RAB37: variants seen among roughly 807,000 people sequenced by gnomAD.
RAB37 encodes RAB37, member RAS oncogene family.
Under a neutral mutation model 33.1 loss-of-function variants are expected in RAB37, and 29 were observed. The observed-to-expected ratio is 0.88, with a 90% CI of 0.65 to 1.20. The LOEUF is 1.20. RAB37 is among the 50% of genes most tolerant of loss of function. The probability of loss-of-function intolerance (pLI) is 0.00; values close to 1 mark genes in which losing one functional copy is unlikely to be tolerated. For synonymous variants in RAB37, 128 were observed against 119.5 expected (o/e 1.07, Z -0.47); for missense variants, 299 against 301.1 (o/e 0.99, Z 0.05).
chr17:74,693,559 T>C (rs113816437), intron 1 of RAB37, among the ~76,000 whole-genome samples: 38 of 152,210 alleles, frequency 2.5e-4, no homozygotes, highest in African/African-American at 7.9e-4. Context: ...GTGGGCTTGG[T>C]AACCACAGAG....
chr17:74,742,180 C>A lies in RAB37; in HGVS notation c.205-74C>A. 1 of 1,573,436 alleles carries A rather than the reference C, an allele frequency of 6.4e-7. No individual in the cohort carries two copies. Among genetic ancestry groups the A allele is most frequent in the Non-Finnish European group, 8.6e-7 (1 of 1,157,516 alleles). On this transcript the variant is annotated intron_variant, in intron 2 of 8. Coordinates refer to ENST00000392613, the MANE Select transcript of RAB37 (RefSeq NM_001006638.3). The surrounding 1 kb of genome is among the most constrained non-coding windows in gnomAD (Gnocchi z 4.0). Reference sequence around the variant, plus strand: ...ACCCACTCTAGGCCTGGAGAGGGAACAAGACAGGACGTCTGCAGAGCTGAG... The same window carrying A: ...ACCCACTCTAGGCCTGGAGAGGGAAAAAGACAGGACGTCTGCAGAGCTGAG...
At chr17:74,711,729 A>T (rs114944981) in intron 1 of RAB37, among the ~76,000 whole-genome samples, 1 of 152,202 alleles carries the variant, frequency 6.6e-6, no homozygotes, top group African/African-American at 2.4e-5. Flanking sequence ...CGGCTCGGAC[A>T]GGCATCTGGG....
At chr17:74,702,379 GTTTCTTCTTCT>G (rs2033131547) in intron 1 of RAB37, among the ~76,000 whole-genome samples, 2 of 152,272 alleles carry the variant, frequency 1.3e-5, no homozygotes, top group South Asian at 4.1e-4. Context: ...CTGAGGCTCA[GTTTCTTCTTCT>G]GTAAAATGGG....
At chr17:74,706,279 A>AT (rs1320595606) in intron 1 of RAB37, among the ~76,000 whole-genome samples, 78 of 149,356 alleles carry the variant, frequency 5.2e-4, no homozygotes, top group African/African-American at 1.5e-3. Flanking sequence ...AAAGGAAAAA[A>AT]AAAATATATA....
At chr17:74,715,979 G>T (rs1286801773) in intron 1 of RAB37, among the ~76,000 whole-genome samples, 1 of 152,150 alleles carries the variant, frequency 6.6e-6, no homozygotes, top group Non-Finnish European at 1.5e-5. Context: ...GCAGTAAGCC[G>T]AGGTCACAAC....
intron 1 of RAB37, among the ~76,000 whole-genome samples, chr17:74,678,789 TC>T (rs1028122491): frequency 2.0e-5 from 3 of 152,082 alleles, no homozygotes; most frequent in Non-Finnish European, 2.9e-5. Flanking sequence ...GTTCTCTGTC[TC>T]CCCTTAGCTT....
At chr17:74,707,630 G>A (rs1044265818) in intron 1 of RAB37, among the ~76,000 whole-genome samples, 2 of 151,870 alleles carry the variant, frequency 1.3e-5, no homozygotes, top group African/African-American at 4.8e-5. Context: ...TGGGAGAATC[G>A]TCTGAACCTG....
Position 74,737,353 on chromosome 17 carries a change from C to T in RAB37, c.81C>T (p.Asp27=). The change falls in exon 1 of 9, where the codon GAC becomes GAT. Residue 27 remains aspartate (D), a synonymous_variant. Transcript: ENST00000392613. ...ERSPPCSPSY[D]LTGKVMLLGD... ...CCCCGCCCTGCAGTCCGAGCTACGA[C>T]CTCACGGGCAAGGTGGGTGGGCCTC... 1 of 1,574,290 alleles carries T rather than the reference C, an allele frequency of 6.4e-7. No homozygotes were observed. Among genetic ancestry groups the T allele is most frequent in the South Asian group, 1.1e-5 (1 of 87,032 alleles).
At chr17:74,743,077 A>C in intron 3 of RAB37, 52 bp from the exon 4 acceptor site, 1 of 1,549,860 alleles carries the variant, frequency 6.5e-7, no homozygotes, top group Non-Finnish European at 8.9e-7. Context: ...CACCCAGCAC[A>C]TTCCTTGCAC....
chr17:74,717,113 C>T (rs2034175016), intron 1 of RAB37, among the ~76,000 whole-genome samples: 1 of 152,128 alleles, frequency 6.6e-6, no homozygotes, highest in African/African-American at 2.4e-5. Context: ...CCAGCCTGGG[C>T]AACGAGAGCG....
At chr17:74,715,925 G>A (rs138869141) in intron 1 of RAB37, among the ~76,000 whole-genome samples, 1 of 152,286 alleles carries the variant, frequency 6.6e-6, no homozygotes, top group African/African-American at 2.4e-5. Context: ...AGCTACTAAG[G>A]AGGCTGAGGC....
chr17:74,680,641 C>T (rs1259030127), intron 1 of RAB37, among the ~76,000 whole-genome samples: 1 of 152,040 alleles, frequency 6.6e-6, no homozygotes. Context: ...CCCACCTCTG[C>T]CTCCCTCAGC....
At chr17:74,740,186 A>G (rs1326300889) in intron 1 of RAB37, among the ~76,000 whole-genome samples, 2 of 151,802 alleles carry the variant, frequency 1.3e-5, no homozygotes, top group Admixed American at 6.6e-5. Context: ...GAAAGAAAGA[A>G]ACTTCCAAAT....
chr17:74,741,646 C>T (rs1326662743), intron 2 of RAB37, among the ~76,000 whole-genome samples: 1 of 150,816 alleles, frequency 6.6e-6, no homozygotes, highest in Non-Finnish European at 1.5e-5. Flanking sequence ...TCACCAGGGA[C>T]CCTCCCTCTC....
rs764630378 is a variant in RAB37, at chr17:74,730,564, T to C, written c.183+1198T>C. Among the ~76,000 whole-genome samples, 43 of 152,102 alleles carry C rather than the reference T, an allele frequency of 2.8e-4. No individual in the cohort carries two copies. Among genetic ancestry groups the C allele is most frequent in the African/African-American group, 8.2e-4 (34 of 41,410 alleles). ...CCGGCTGGGCTCTGGTAGTGCTGAATAGGGAAGGGCTGAGACCCAGGAGGC... is the reference window on the plus strand; with the variant it reads ...CCGGCTGGGCTCTGGTAGTGCTGAACAGGGAAGGGCTGAGACCCAGGAGGC... On this transcript the variant is annotated intron_variant, in intron 2 of 7. Coordinates refer to the RAB37 transcript ENST00000340415. This position sits in a 1 kb window ranked among gnomAD's most constrained non-coding sequence, Gnocchi z 4.4.
At chr17:74,715,765 C>T (rs1014849737) in intron 1 of RAB37, among the ~76,000 whole-genome samples, 3 of 152,168 alleles carry the variant, frequency 2.0e-5, no homozygotes, top group Non-Finnish European at 2.9e-5. Context: ...CGGTGGCTTA[C>T]ACCTGTGATC....
intron 1 of RAB37, among the ~76,000 whole-genome samples, chr17:74,691,013 G>A (rs537971800): frequency 6.6e-6 from 1 of 152,212 alleles, no homozygotes; most frequent in African/African-American, 2.4e-5. Context: ...AGAACTCCAG[G>A]GCTCAACTGA....
At chr17:74,682,676 G>A (rs184581702) in intron 1 of RAB37, among the ~76,000 whole-genome samples, 9 of 152,294 alleles carry the variant, frequency 5.9e-5, no homozygotes, top group African/African-American at 1.9e-4. Context: ...AGGTCAAGGC[G>A]GGTGGATCAC....
chr17:74,695,758 C>A (rs1464419978), intron 1 of RAB37: 1 of 1,614,194 alleles, frequency 6.2e-7, no homozygotes, highest in South Asian at 1.1e-5. Flanking sequence ...CCTGGTCAAC[C>A]TGGGCAGAGG....
Sources: allele counts gnomAD v4.1 joint callset (sites outside exome capture counted in the v4.1 genomes callset), GRCh38; gene constraint gnomAD v4.1.1; non-coding constraint Gnocchi (gnomAD v3.1); transcripts MANE v1.5; gene names NCBI Gene and HGNC (gene_info 2026-07-23, HGNC 2026-07-21).